Variants in FRAS1 observed in about 807,000 individuals in gnomAD.
FRAS1 encodes extracellular matrix organizing protein FRAS1.
FRAS1 carries 290 observed loss-of-function variants against 435.2 expected under a neutral mutation model. The observed-to-expected ratio is 0.67, with a 90% CI of 0.61 to 0.73. The LOEUF is 0.73. Ranked by LOEUF, FRAS1 falls within the 30% of genes least tolerant of loss-of-function variation. The probability of loss-of-function intolerance (pLI) is 0.00; values close to 1 mark genes in which losing one functional copy is unlikely to be tolerated. For missense variants in FRAS1, 4,860 were observed against 5,001.5 expected (o/e 0.97, Z 0.85); for synonymous variants, 1,800 against 1,851.0 (o/e 0.97, Z 0.71).
chr4:78,336,195 T>C (rs1245649485), intron 19 of FRAS1, among the ~76,000 whole-genome samples: 1 of 152,188 alleles, frequency 6.6e-6, no homozygotes, highest in African/African-American at 2.4e-5. Flanking sequence ...ATTCTTTGCC[T>C]TTTTCTAACT....
At chr4:78,422,426 C>T (rs1034177192) in intron 34 of FRAS1, among the ~76,000 whole-genome samples, 2 of 152,142 alleles carry the variant, frequency 1.3e-5, no homozygotes, top group African/African-American at 4.8e-5. Context: ...TGGAATTACA[C>T]ATAATCAGAC....
chr4:78,315,465 A>T, intron 15 of FRAS1, 129 bp from the exon 16 acceptor site: 1 of 960,056 alleles, frequency 1.0e-6, no homozygotes, highest in African/African-American at 1.7e-5. Flanking sequence ...AAGGAAACAG[A>T]ATTTTGCTGA....
chr4:78,062,163 A>C (rs1739788227), intron 1 of FRAS1, among the ~76,000 whole-genome samples: 1 of 152,170 alleles, frequency 6.6e-6, no homozygotes, highest in African/African-American at 2.4e-5. Context: ...GTAGTCATAA[A>C]ATATTCTTTA....
intron 2 of FRAS1, among the ~76,000 whole-genome samples, chr4:78,104,876 T>G (rs1742311210): frequency 6.6e-6 from 1 of 152,212 alleles, no homozygotes; most frequent in Non-Finnish European, 1.5e-5. Context: ...TTTTAGAATG[T>G]TTTATATTGT....
At chr4:78,537,445 TG>T (rs1299042634) in intron 72 of FRAS1, among the ~76,000 whole-genome samples, 1 of 152,234 alleles carries the variant, frequency 6.6e-6, no homozygotes, top group African/African-American at 2.4e-5. Flanking sequence ...TCTCAGAGTA[TG>T]GTTCAGAGAC....
chr4:78,506,172 G>A (rs1720833805), intron 61 of FRAS1, among the ~76,000 whole-genome samples: 1 of 152,234 alleles, frequency 6.6e-6, no homozygotes, highest in African/African-American at 2.4e-5. Context: ...AGCTGCCACT[G>A]GGAGATGTCT....
At chr4:78,175,895 GGAAATGTC>G (rs1721759789) in intron 2 of FRAS1, among the ~76,000 whole-genome samples, 1 of 152,112 alleles carries the variant, frequency 6.6e-6, no homozygotes, top group African/African-American at 2.4e-5. Context: ...ATGGGTAGAT[GGAAATGTC>G]CAGCACAAGG....
chr4:78,513,802 G>A (rs1721119656), intron 65 of FRAS1, among the ~76,000 whole-genome samples: 2 of 152,180 alleles, frequency 1.3e-5, no homozygotes, highest in East Asian at 1.9e-4. Flanking sequence ...TGACCTTTCT[G>A]AGCCACTGTT....
At chr4:78,273,097 T>G (rs911702330) in intron 9 of FRAS1, among the ~76,000 whole-genome samples, 1 of 152,370 alleles carries the variant, frequency 6.6e-6, no homozygotes, top group Non-Finnish European at 1.5e-5. Flanking sequence ...AGTTCATGCA[T>G]GATTTGGCTC....
chr4:78,521,645 G>GTT lies in FRAS1; in HGVS notation c.10648+24_10648+25dup, dbSNP rs397994139. 45 of 1,365,654 alleles carry GTT rather than the reference G, an allele frequency of 3.3e-5. No homozygotes were observed. The highest frequency in any genetic ancestry group is 7.9e-5 in the Admixed American group (4 of 50,802). 84.6% of individuals were successfully genotyped at this position (1,365,654 alleles called of 1,614,324 possible). A position where few individuals can be genotyped will look rare whatever the true frequency, so the allele number is the denominator to read the frequency against. ...CAAATTCAGAGGTAATATCAATGCC[G>GTT]TTTTTTTTTTCCAACTTTTTATTAA... is the stretch of plus-strand genomic sequence containing the variant. On this transcript the variant is annotated intron_variant, in intron 68 of 73. Coordinates refer to ENST00000512123, the MANE Select transcript of FRAS1 (RefSeq NM_025074.7).
intron 60 of FRAS1, among the ~76,000 whole-genome samples, chr4:78,499,157 T>A (rs946202893): frequency 6.6e-6 from 1 of 152,196 alleles, no homozygotes; most frequent in Non-Finnish European, 1.5e-5. Context: ...GCACCCATAC[T>A]TACCTATATA....
chr4:78,194,507 T>C (rs1722706916), intron 2 of FRAS1, among the ~76,000 whole-genome samples: 1 of 152,240 alleles, frequency 6.6e-6, no homozygotes, highest in Non-Finnish European at 1.5e-5. Context: ...CTCTTCTCGC[T>C]TCATTTCATT....
chr4:78,319,539 G>A (rs1429450456), intron 18 of FRAS1: 2 of 384,210 alleles, frequency 5.2e-6, no homozygotes, highest in East Asian at 1.5e-4. Flanking sequence ...CCCACAAGTA[G>A]CCTTGCTGTT....
At chr4:78,517,957 G>GA (rs1721260162) in intron 66 of FRAS1, among the ~76,000 whole-genome samples, 1 of 151,698 alleles carries the variant, frequency 6.6e-6, no homozygotes, top group African/African-American at 2.4e-5. Context: ...TCTTTAAAAA[G>GA]AACAAAAAGA....
At chr4:78,360,023 C>T (rs1001198996) in intron 20 of FRAS1, among the ~76,000 whole-genome samples, 2 of 152,114 alleles carry the variant, frequency 1.3e-5, no homozygotes, top group South Asian at 2.1e-4. Flanking sequence ...TCTGCCAAAC[C>T]GCCATGTCTG....
At chr4:78,197,087 TC>T (rs1722846918) in intron 2 of FRAS1, among the ~76,000 whole-genome samples, 2 of 152,358 alleles carry the variant, frequency 1.3e-5, no homozygotes, top group Admixed American at 1.3e-4. Context: ...AAAATTCCTT[TC>T]ATCCTTTTGC....
intron 2 of FRAS1, among the ~76,000 whole-genome samples, chr4:78,157,940 T>G (rs528234084): frequency 2.4e-4 from 37 of 152,194 alleles, no homozygotes; most frequent in Non-Finnish European, 5.0e-4. Context: ...CCTTACCCAA[T>G]TGCTTATTTT....
At chr4:78,363,178 A>G (rs1156993433) in intron 20 of FRAS1, among the ~76,000 whole-genome samples, 2 of 152,100 alleles carry the variant, frequency 1.3e-5, no homozygotes, top group Admixed American at 1.3e-4. Context: ...GGAGATGTTG[A>G]TAGTATTATC....
chr4:78,244,601 G>A (rs1268039794), intron 3 of FRAS1, among the ~76,000 whole-genome samples: 1 of 152,160 alleles, frequency 6.6e-6, no homozygotes, highest in Admixed American at 6.5e-5. Flanking sequence ...AAATCTTGGG[G>A]TATCAGGTGG....
Sources: allele counts gnomAD v4.1 joint callset (sites outside exome capture counted in the v4.1 genomes callset), GRCh38; gene constraint gnomAD v4.1.1; transcripts MANE v1.5; gene names NCBI Gene and HGNC (gene_info 2026-07-23, HGNC 2026-07-21).